Variants in MARCHF1 observed in about 807,000 individuals in gnomAD.
MARCHF1 encodes membrane associated ring-CH-type finger 1.
A neutral mutation model predicts 54.2 loss-of-function variants in MARCHF1; 40 were observed. The observed-to-expected ratio is 0.74, with a 90% confidence interval of 0.57 to 0.96. The LOEUF is 0.96. Ranked by LOEUF, MARCHF1 falls within the 40% of genes least tolerant of loss-of-function variation. MARCHF1 has a pLI of 0.00. For missense variants in MARCHF1, 586 were observed against 656.5 expected (o/e 0.89, Z 1.17); for synonymous variants, 236 against 236.3 (o/e 1.00, Z 0.01).
At chr4:164,362,601 TA>T (rs1429469018) in intron 1 of MARCHF1, among the ~76,000 whole-genome samples, 1 of 152,124 alleles carries the variant, frequency 6.6e-6, no homozygotes, top group Non-Finnish European at 1.5e-5. Context: ...TAAACCAAAC[TA>T]ATAACTGAGG....
At position 164,292,408 on chromosome 4, in the gene MARCHF1, A is replaced by G. The variant is rs1274669345; in HGVS notation, c.-323+91462T>C. The stretch of plus-strand genomic sequence containing the variant: ...GCAGCATTTCTTAAAAGAGAGTTCT[A>G]CTATTGACTCCAAGCTTCTCATACC... On this transcript the variant is annotated intron_variant, in intron 1 of 9. Transcript: ENST00000514618. 4.6e-5 allele frequency among the ~76,000 whole-genome samples: 7 copies of G among 152,156 alleles called. No individual in the cohort carries two copies. In the South Asian group the frequency reaches 6.2e-4, roughly 13 times the overall value.
At chr4:163,694,442 T>C (rs765665566) in intron 5 of MARCHF1, among the ~76,000 whole-genome samples, 3 of 152,100 alleles carry the variant, frequency 2.0e-5, no homozygotes, top group South Asian at 4.1e-4. Flanking sequence ...GAATGGCAAA[T>C]ACTGGAGGAT....
chr4:163,602,415 A>G (rs962330748), intron 7 of MARCHF1, among the ~76,000 whole-genome samples: 2 of 152,150 alleles, frequency 1.3e-5, no homozygotes, highest in Non-Finnish European at 2.9e-5. Context: ...TTATGATCCT[A>G]TAAATAGAGA....
chr4:163,878,595 G>C (rs1337875446), intron 3 of MARCHF1, among the ~76,000 whole-genome samples: 2 of 152,160 alleles, frequency 1.3e-5, no homozygotes, highest in Non-Finnish European at 2.9e-5. Context: ...CTTAAATCCA[G>C]CAGCACTAGT....
intron 1 of MARCHF1, among the ~76,000 whole-genome samples, chr4:164,307,585 G>A (rs919111710): frequency 6.6e-6 from 1 of 152,170 alleles, no homozygotes; most frequent in African/African-American, 2.4e-5. Flanking sequence ...TGAATTCAAT[G>A]CCATTTCATT....
intron 1 of MARCHF1, among the ~76,000 whole-genome samples, chr4:164,280,326 A>G (rs1260700046): frequency 2.0e-5 from 3 of 152,080 alleles, no homozygotes; most frequent in African/African-American, 7.2e-5. Flanking sequence ...TGAACTCTTA[A>G]CAACAAATTG....
chr4:163,551,816 G>C, intron 8 of MARCHF1, among the ~76,000 whole-genome samples: 1 of 152,140 alleles, frequency 6.6e-6, no homozygotes, highest in Non-Finnish European at 1.5e-5. Context: ...TCTCTTGCCT[G>C]CTGCCGTGTA....
intron 2 of MARCHF1, among the ~76,000 whole-genome samples, chr4:164,065,418 A>T (rs1178542505): frequency 6.6e-6 from 1 of 152,230 alleles, no homozygotes; most frequent in Non-Finnish European, 1.5e-5. Context: ...AGCAATTGCA[A>T]CTAAAGCAAA....
chr4:164,173,915 T>C (rs1730592629), intron 1 of MARCHF1, among the ~76,000 whole-genome samples: 1 of 152,198 alleles, frequency 6.6e-6, no homozygotes. Context: ...TCCTTTCCGA[T>C]TCTTAAAACA....
intron 9 of MARCHF1, among the ~76,000 whole-genome samples, chr4:163,541,019 T>A (rs1738705711): frequency 6.6e-6 from 1 of 151,656 alleles, no homozygotes. Flanking sequence ...AGGAGTGAAA[T>A]CGTCTCAAAG....
At chr4:163,667,403 C>T (rs549180931) in intron 5 of MARCHF1, among the ~76,000 whole-genome samples, 3 of 152,072 alleles carry the variant, frequency 2.0e-5, no homozygotes, top group South Asian at 2.1e-4. Flanking sequence ...ACAAAAATAC[C>T]ATATATATTA....
At chr4:164,197,704 A>G in intron 1 of MARCHF1, 4 of 1,612,088 alleles carry the variant, frequency 2.5e-6, no homozygotes, top group South Asian at 1.1e-5. Flanking sequence ...CCGTCTGCCC[A>G]TCTCCATCTC....
intron 4 of MARCHF1, among the ~76,000 whole-genome samples, chr4:163,750,067 G>GAA (rs201321425): frequency 5.1e-5 from 7 of 137,842 alleles, no homozygotes; most frequent in Admixed American, 2.8e-4. Context: ...AGACTGTCTT[G>GAA]AAAAAAAAAA....
At chr4:163,715,257 T>G (rs983357082) in intron 4 of MARCHF1, among the ~76,000 whole-genome samples, 2 of 152,178 alleles carry the variant, frequency 1.3e-5, no homozygotes, top group African/African-American at 2.4e-5. Flanking sequence ...TTACTTTATT[T>G]TATTTTGAGA....
intron 3 of MARCHF1, among the ~76,000 whole-genome samples, chr4:163,951,620 A>G (rs961404913): frequency 6.6e-6 from 1 of 152,220 alleles, no homozygotes. Context: ...TCAGAAAGGT[A>G]AAGCAGACGG....
chr4:164,368,374 T>C (rs976509771), intron 1 of MARCHF1, among the ~76,000 whole-genome samples: 5 of 151,828 alleles, frequency 3.3e-5, no homozygotes, highest in African/African-American at 1.2e-4. Context: ...TCAAGACACT[T>C]ATAATGATTA....
intron 1 of MARCHF1, among the ~76,000 whole-genome samples, chr4:164,115,161 C>T (rs1755914697): frequency 6.6e-6 from 1 of 151,932 alleles, no homozygotes; most frequent in African/African-American, 2.4e-5. Context: ...ATGTTCTCCG[C>T]ATACAAAGGG....
At chr4:164,382,439 C>T (rs1731395520) in intron 1 of MARCHF1, among the ~76,000 whole-genome samples, 1 of 152,154 alleles carries the variant, frequency 6.6e-6, no homozygotes, top group Admixed American at 6.5e-5. Flanking sequence ...GGATACCAAA[C>T]TGGTATACCA....
In MARCHF1 at chr4:164,075,395, A is replaced by G. The variant is rs184133065; in HGVS notation, c.-248+36193T>C. Among the ~76,000 whole-genome samples the G allele has an allele frequency of 1.1e-3, 170 of 152,316 alleles. 1 individual carries two copies. Among genetic ancestry groups the G allele is most frequent in the African/African-American group, 3.9e-3 (163 of 41,570 alleles). The stretch of plus-strand genomic sequence containing the variant: ...CAATATCTTGAAGGGTACTTGAATG[A>G]TTGGCTTTGCTCACTCATGTCCTCA... On this transcript the variant is annotated intron_variant, in intron 2 of 9. Coordinates refer to ENST00000514618, the MANE Select transcript of MARCHF1 (RefSeq NM_001394959.1).
Sources: gnomAD v4.1 joint callset for allele counts (sites outside exome capture counted in the v4.1 genomes callset) on GRCh38, gnomAD v4.1.1 for gene constraint, MANE v1.5 for transcripts, NCBI Gene and HGNC (gene_info 2026-07-23, HGNC 2026-07-21) for gene names.